The following DCDC2 variants were observed in gnomAD, a reference collection of about 807,000 sequenced individuals.
DCDC2 encodes the protein doublecortin domain containing 2, also known as doublecortin domain-containing protein 2.
In DCDC2, 40 loss-of-function variants were observed where a neutral mutation model predicts 50.2. That is an observed-to-expected ratio of 0.80 (90% CI 0.62 to 1.04). The LOEUF is 1.04. DCDC2 is among the 50% of genes least tolerant of loss of function. The pLI is 0.00. For missense variants in DCDC2, 570 were observed against 581.9 expected, an observed-to-expected ratio of 0.98 and a Z score of 0.21; for synonymous variants, 234 against 210.6, an observed-to-expected ratio of 1.11 and a Z score of -0.96.
chr6:24,298,177 A>G (rs1759297179), intron 4 of DCDC2, among the ~76,000 whole-genome samples: 2 of 152,338 alleles, frequency 1.3e-5, no homozygotes, highest in South Asian at 4.1e-4. Flanking sequence ...ACAGTTCACA[A>G]TAGGCTTCAT....
the DCDC2 span, among the ~76,000 whole-genome samples, chr6:24,373,644 G>A: frequency 6.6e-6 from 1 of 152,184 alleles, no homozygotes; most frequent in Non-Finnish European, 1.5e-5. Context: ...AAGGGGGTGG[G>A]ACCTAGCGGG....
At chr6:24,288,697 G>A (rs1360144500) in intron 6 of DCDC2, among the ~76,000 whole-genome samples, 155 bp downstream of exon 6, 3 of 152,198 alleles carry the variant, frequency 2.0e-5, no homozygotes, top group East Asian at 1.9e-4. Context: ...GACCATAAGT[G>A]TAACATTAAA....
In DCDC2 at chr6:24,291,081, G is replaced by A. The variant is rs781711760; in HGVS notation, c.558-3C>T. On this transcript the variant is annotated splice_region_variant and splice_polypyrimidine_tract_variant and intron_variant, in intron 4 of 9. Coordinates refer to ENST00000378454, the MANE Select transcript of DCDC2 (RefSeq NM_016356.5). Reference sequence around the variant, plus strand: ...GTTTTCCTTCTAAAGTATAAAGCCTGTCGAAAATATGAACACCAACAATTA... The same window carrying A: ...GTTTTCCTTCTAAAGTATAAAGCCTATCGAAAATATGAACACCAACAATTA... 1.2e-6 allele frequency: 2 copies of A among 1,605,632 alleles called. No homozygotes were observed. The highest frequency in any genetic ancestry group is 2.3e-5 in the South Asian group (2 of 88,586).
chr6:24,338,628 C>T (rs1049061028), intron 2 of DCDC2, among the ~76,000 whole-genome samples: 2 of 152,240 alleles, frequency 1.3e-5, no homozygotes, highest in Middle Eastern at 3.4e-3. Flanking sequence ...GAAATCCCTT[C>T]AATAGCTTTT....
chr6:24,231,458 C>T (rs1322234036), intron 7 of DCDC2, among the ~76,000 whole-genome samples: 4 of 152,176 alleles, frequency 2.6e-5, no homozygotes, highest in African/African-American at 9.7e-5. Context: ...GCACTTTCTA[C>T]ATATAACAAG....
At chr6:24,362,777 C>A (rs1760691190), upstream of DCDC2, among the ~76,000 whole-genome samples, 1 of 152,176 alleles carries the variant, frequency 6.6e-6, no homozygotes, top group Non-Finnish European at 1.5e-5. Flanking sequence ...GGACCCTCAT[C>A]TACTCATTTG....
chr6:24,187,396 C>A (rs1215787098), intron 8 of DCDC2, among the ~76,000 whole-genome samples: 3 of 152,146 alleles, frequency 2.0e-5, no homozygotes, highest in Admixed American at 1.3e-4. Context: ...ATGGGTAGAA[C>A]CACCTTCTCC....
intron 8 of DCDC2, among the ~76,000 whole-genome samples, chr6:24,198,281 C>G (rs1252126494): frequency 2.0e-5 from 3 of 152,324 alleles, no homozygotes; most frequent in Admixed American, 1.3e-4. Flanking sequence ...CCAGTGATTT[C>G]TGCATTCCCA....
chr6:24,241,309 C>T (rs1762557510), intron 7 of DCDC2, among the ~76,000 whole-genome samples: 1 of 152,164 alleles, frequency 6.6e-6, no homozygotes, highest in Non-Finnish European at 1.5e-5. Context: ...GCATTTTCTA[C>T]ATGGAGCCTC....
chr6:24,281,153 G>T (rs1033666395), intron 6 of DCDC2, among the ~76,000 whole-genome samples: 1 of 151,972 alleles, frequency 6.6e-6, no homozygotes, highest in Non-Finnish European at 1.5e-5. Flanking sequence ...CTCGAAAAAG[G>T]GTAATTTTGG....
At chr6:24,210,422 T>C (rs1209028735) in intron 7 of DCDC2, among the ~76,000 whole-genome samples, 1 of 152,086 alleles carries the variant, frequency 6.6e-6, no homozygotes, top group Non-Finnish European at 1.5e-5. Flanking sequence ...AAACTGCTCA[T>C]CCCCCAGATT....
intron 7 of DCDC2, among the ~76,000 whole-genome samples, chr6:24,209,206 C>G (rs909381481): frequency 2.0e-5 from 3 of 152,152 alleles, no homozygotes; most frequent in Admixed American, 6.5e-5. Context: ...AGTATAGATT[C>G]CATGAGAAAT....
At chr6:24,271,413 T>C (rs1763236871) in intron 7 of DCDC2, among the ~76,000 whole-genome samples, 1 of 152,052 alleles carries the variant, frequency 6.6e-6, no homozygotes, top group Non-Finnish European at 1.5e-5. Flanking sequence ...AGCCAAACTC[T>C]GGAGCTGGGG....
At chr6:24,208,380 T>C (rs2113764329) in intron 7 of DCDC2, among the ~76,000 whole-genome samples, 1 of 144,252 alleles carries the variant, frequency 6.9e-6, no homozygotes, top group East Asian at 2.0e-4. Flanking sequence ...TTTTTTTTTT[T>C]TTTTTTTTGA....
At chr6:24,221,682 G>C (rs1209293556) in intron 7 of DCDC2, among the ~76,000 whole-genome samples, 1 of 152,220 alleles carries the variant, frequency 6.6e-6, no homozygotes, top group Non-Finnish European at 1.5e-5. Flanking sequence ...TACGTGCTAA[G>C]TCCTTGCCTC....
chr6:24,306,315 CAG>C (rs1759472116), intron 2 of DCDC2, among the ~76,000 whole-genome samples: 1 of 152,120 alleles, frequency 6.6e-6, no homozygotes. Context: ...CAAGCAAAAG[CAG>C]GACACACTGA....
chr6:24,374,035 G>C, the DCDC2 span, among the ~76,000 whole-genome samples: 26 of 151,960 alleles, frequency 1.7e-4, no homozygotes, highest in East Asian at 7.8e-4. Context: ...GGTGGCGGGC[G>C]CCTGTAGTTC....
intron 2 of DCDC2, among the ~76,000 whole-genome samples, chr6:24,302,402 G>A (rs116704840): frequency 1.3e-5 from 2 of 151,984 alleles, no homozygotes; most frequent in African/African-American, 4.8e-5. Context: ...CTTGAGCTCT[G>A]AAGTGCTGTG....
chr6:24,261,704 G>A (rs576552677), intron 7 of DCDC2, among the ~76,000 whole-genome samples: 9 of 151,962 alleles, frequency 5.9e-5, no homozygotes, highest in Non-Finnish European at 1.2e-4. Context: ...CCTAATTTCC[G>A]AGGTCAATTC....
Sources: allele counts gnomAD v4.1 joint callset (sites outside exome capture counted in the v4.1 genomes callset), GRCh38; gene constraint gnomAD v4.1.1; transcripts MANE v1.5; gene names NCBI Gene and HGNC (gene_info 2026-07-23, HGNC 2026-07-21).